ARL14: variants seen among roughly 807,000 people sequenced by gnomAD.
ARL14 encodes ADP-ribosylation factor-like protein 14.
A neutral mutation model predicts 1.1 loss-of-function variants in ARL14; 3 were observed. The ratio of observed to expected loss-of-function variants is 2.82; its 90% CI spans 1.28 to 7.28. ARL14 has a LOEUF of 7.28. Among genes scored for constraint, ARL14 ranks in the 30% most tolerant of loss-of-function variants. The pLI is 0.01. For missense variants in ARL14, 264 were observed against 223.8 expected, an observed-to-expected ratio of 1.18 and a Z score of -1.15; for synonymous variants, 99 against 84.6, an observed-to-expected ratio of 1.17 and a Z score of -0.93.
rs115464520 is a variant in ARL14, at chr3:160,677,217, T to A, written c.-130T>A. On this transcript the variant is annotated 5_prime_UTR_variant, in exon 1 of 1. Coordinates refer to ENST00000320767, the MANE Select transcript of ARL14 (RefSeq NM_025047.3). ...TGTTCTTAGAATACAGCATGAAGAA[T>A]TTGCTTTCTTCTTTCTTCCTAACAT... 639 of 846,274 alleles carry A rather than the reference T, an allele frequency of 7.6e-4. 4 individuals carry two copies. In the African/African-American group the frequency reaches 9.9e-3, roughly 13 times the overall value. 52.4% of individuals were successfully genotyped at this position (846,274 alleles called of 1,614,324 possible). A position where few individuals can be genotyped will look rare whatever the true frequency, so the allele number is the denominator to read the frequency against.
Position 160,678,209 on chromosome 3 carries a change from G to A in ARL14, c.*284G>A, listed in dbSNP as rs1713298714. ...ACTTTGAATATAGTAGTGACACTTG[G>A]GACCAAATAAATTATTTTATATGAC... On this transcript the variant is annotated 3_prime_UTR_variant, in exon 1 of 1. Transcript: ENST00000320767. 3.5e-6 allele frequency: 1 copy of A among 286,756 alleles called. No individual in the cohort carries two copies. The highest frequency in any genetic ancestry group is 7.1e-6 in the Non-Finnish European group (1 of 141,826). The allele number at this position is 286,756 out of a possible 1,614,324, so 17.8% of individuals were successfully genotyped here.
At position 160,678,097 on chromosome 3, in the gene ARL14, T is replaced by A. The variant is rs1713295388; in HGVS notation, c.*172T>A. On this transcript the variant is annotated 3_prime_UTR_variant, in exon 1 of 1. Coordinates refer to ENST00000320767, the MANE Select transcript of ARL14 (RefSeq NM_025047.3). The stretch of plus-strand genomic sequence containing the variant: ...AATGATATCTAGAAAATATTTATTT[T>A]CAGCCAGGAACTTTAGCAAACTGTG... 1 of 641,588 alleles carries A rather than the reference T, an allele frequency of 1.6e-6. No individual in the cohort carries two copies. The highest frequency in any genetic ancestry group is 3.1e-5 in the Admixed American group (1 of 31,898). 39.7% of individuals were successfully genotyped at this position (641,588 alleles called of 1,614,324 possible).
Position 160,677,805 on chromosome 3 carries a change from G to A in ARL14, c.459G>A (p.Val153=). 1.2e-6 allele frequency: 2 copies of A among 1,614,116 alleles called. No individual in the cohort carries two copies. The highest frequency in any genetic ancestry group is 1.7e-6 in the Non-Finnish European group (2 of 1,180,016). The change falls in exon 1 of 1, where the codon GTG becomes GTA. Residue 153 remains valine, a synonymous_variant. Transcript: ENST00000320767. ...KKLCSDRNWY[V]QPCCALTGEG... The stretch of plus-strand genomic sequence containing the variant: ...TTTGCAGTGACCGGAACTGGTATGT[G>A]CAACCCTGCTGTGCCCTCACAGGGG...
Position 160,677,900 on chromosome 3 carries a change from C to G in ARL14, c.554C>G (p.Thr185Ser). ...VKSHMKSRGDTLAFFKQN is the reference protein window; with the variant it reads ...VKSHMKSRGDSLAFFKQN ...AGCCACATGAAATCAAGAGGAGACA[C>G]TTTGGCGTTCTTCAAGCAGAACTGA... Residue 185 changes from threonine (T) to serine (S), a missense_variant, in exon 1 of 1, where the codon ACT becomes AGT. Transcript: ENST00000320767. 1 of 1,612,174 alleles carries G rather than the reference C, an allele frequency of 6.2e-7. No individual in the cohort carries two copies. Among genetic ancestry groups the G allele is most frequent in the Non-Finnish European group, 8.5e-7 (1 of 1,178,806 alleles).
At position 160,677,793 on chromosome 3, in the gene ARL14, G is replaced by T. The variant is rs1314726746; in HGVS notation, c.447G>T (p.Arg149=). Residue 149 remains arginine (R), a synonymous_variant, in exon 1 of 1, where the codon CGG becomes CGT. Coordinates refer to ENST00000320767, the MANE Select transcript of ARL14 (RefSeq NM_025047.3). ...MFKVKKLCSD[R]NWYVQPCCAL... is the part of the protein sequence containing the mutation. Reference sequence around the variant, plus strand: ...AAGTGAAGAAGCTTTGCAGTGACCGGAACTGGTATGTGCAACCCTGCTGTG... The same window carrying T: ...AAGTGAAGAAGCTTTGCAGTGACCGTAACTGGTATGTGCAACCCTGCTGTG... The T allele has an allele frequency of 6.2e-7, 1 of 1,614,100 alleles. No homozygotes were observed. The highest frequency in any genetic ancestry group is 1.1e-5 in the South Asian group (1 of 91,072).
chr3:160,677,301 GAAA>G lies in ARL14; in HGVS notation c.-36_-34del. ...CTGGCCATTCGAAGAAAGAAAGAAA[GAAA>G]AAAAAAAAAGGTATTTAGAGACAGA... On this transcript the variant is annotated 5_prime_UTR_variant, in exon 1 of 1. Transcript: ENST00000320767. 1.7e-6 allele frequency: 2 copies of G among 1,183,550 alleles called. No homozygotes were observed. Among genetic ancestry groups the G allele is most frequent in the Non-Finnish European group, 2.3e-6 (2 of 871,142 alleles). The allele number at this position is 1,183,550 out of a possible 1,614,324, so 73.3% of individuals were successfully genotyped here.
Position 160,677,913 on chromosome 3 carries a change from C to G in ARL14, c.567C>G (p.Phe189Leu). The G allele has an allele frequency of 6.2e-7, 1 of 1,610,228 alleles. No homozygotes were observed. ...MKSRGDTLAF[F>L]KQN is the part of the protein sequence containing the mutation. The stretch of plus-strand genomic sequence containing the variant: ...CAAGAGGAGACACTTTGGCGTTCTT[C>G]AAGCAGAACTGAGGCTGCGAAAAAT... Residue 189 changes from phenylalanine to leucine, a missense_variant, in exon 1 of 1, where the codon TTC becomes TTG. Transcript: ENST00000320767.
chr3:160,677,425 T>C lies in ARL14; in HGVS notation c.79T>C (p.Ser27Pro), dbSNP rs762057724. The part of the protein sequence containing the change: ...LLLGLDSAGK[S>P]TLLYKLKLAK... ...TTTGGGACTTGACTCAGCTGGGAAG[T>C]CTACTCTCCTTTATAAATTAAAGCT... Residue 27 changes from serine to proline, a missense_variant, in exon 1 of 1, where the codon TCT becomes CCT. Ser to Pro is a moderately conservative substitution (Grantham distance 74). Coordinates refer to ENST00000320767, the MANE Select transcript of ARL14 (RefSeq NM_025047.3). 6.2e-7 allele frequency: 1 copy of C among 1,613,654 alleles called. No individual in the cohort carries two copies. Among genetic ancestry groups the C allele is most frequent in the Admixed American group, 1.7e-5 (1 of 59,980 alleles).
rs748739938 is a variant in ARL14 at position 160,677,465 on chromosome 3, C to A, written c.119C>A (p.Thr40Asn). The change falls in exon 1 of 1, where the codon ACC (threonine) becomes AAC (asparagine). Residue 40 changes from threonine to asparagine, a missense_variant. By Grantham distance (65) the Thr-to-Asn change is moderately conservative. Transcript: ENST00000320767. The stretch of plus-strand genomic sequence containing the variant: ...AAATTAAAGCTTGCTAAGGATATTA[C>A]CACCATCCCTACAATAGGTTTCAAT... ...LYKLKLAKDI[T>N]TIPTIGFNVE... The A allele has an allele frequency of 1.2e-6, 2 of 1,614,094 alleles. No homozygotes were observed. Among genetic ancestry groups the A allele is most frequent in the African/African-American group, 1.3e-5 (1 of 75,020 alleles).
In ARL14 at chr3:160,677,879, A is replaced by C. The variant is rs1263330168; in HGVS notation, c.533A>C (p.His178Pro). 1 of 1,613,788 alleles carries C rather than the reference A, an allele frequency of 6.2e-7. No homozygotes were observed. The highest frequency in any genetic ancestry group is 1.3e-5 in the African/African-American group (1 of 74,898). ...AAATTAACTGGATTTGTGAAGAGCC[A>C]CATGAAATCAAGAGGAGACACTTTG... ...FRKLTGFVKS[H>P]MKSRGDTLAF... The change falls in exon 1 of 1, where the codon CAC becomes CCC. Residue 178 changes from histidine to proline, a missense_variant. His to Pro is a moderately conservative substitution (Grantham distance 77). Transcript: ENST00000320767.
chr3:160,677,701 G>C lies in ARL14; in HGVS notation c.355G>C (p.Val119Leu). ...KNEHIKNVPV[V>L]LLANKQDMPG... ...TGAACACATTAAAAATGTGCCTGTT[G>C]TTCTATTAGCCAACAAACAAGACAT... The change falls in exon 1 of 1, where the codon GTT becomes CTT. Residue 119 changes from valine to leucine, a missense_variant. Coordinates refer to ENST00000320767, the MANE Select transcript of ARL14 (RefSeq NM_025047.3). The C allele has an allele frequency of 1.9e-6, 3 of 1,614,102 alleles. No homozygotes were observed. Among genetic ancestry groups the C allele is most frequent in the Non-Finnish European group, 2.5e-6 (3 of 1,180,026 alleles).
rs759792947 is a variant in ARL14, at chr3:160,677,741, C to A, written c.395C>A (p.Thr132Asn). The change falls in exon 1 of 1, where the codon ACT (threonine) becomes AAT (asparagine). Residue 132 changes from threonine to asparagine, a missense_variant. By Grantham distance (65) the Thr-to-Asn change is moderately conservative. Transcript: ENST00000320767. ...AAACAAGACATGCCTGGAGCTCTGA[C>A]TGCTGAGGACATCACCAGAATGTTC... ...ANKQDMPGAL[T>N]AEDITRMFKV... The A allele has an allele frequency of 6.2e-7, 1 of 1,614,136 alleles. No homozygotes were observed. Among genetic ancestry groups the A allele is most frequent in the African/African-American group, 1.3e-5 (1 of 75,018 alleles).
In ARL14 at chr3:160,677,845, G is replaced by T; in HGVS notation, c.499G>T (p.Gly167Trp). ...CCTCACAGGGGAGGGGCTGGCCCAG[G>T]GGTTCAGGAAATTAACTGGATTTGT... ...CALTGEGLAQ[G>W]FRKLTGFVKS... The change falls in exon 1 of 1, where the codon GGG becomes TGG. Residue 167 changes from glycine (G) to tryptophan (W), a missense_variant. By Grantham distance (184) the Gly-to-Trp change is radical. Transcript: ENST00000320767. 3 of 1,614,042 alleles carry T rather than the reference G, an allele frequency of 1.9e-6. No homozygotes were observed. Among genetic ancestry groups the T allele is most frequent in the Non-Finnish European group, 2.5e-6 (3 of 1,180,010 alleles).
chr3:160,678,006 C>A lies in ARL14; in HGVS notation c.*81C>A, dbSNP rs1020422015. 1 of 1,280,424 alleles carries A rather than the reference C, an allele frequency of 7.8e-7. No homozygotes were observed. The highest frequency in any genetic ancestry group is 1.1e-6 in the Non-Finnish European group (1 of 934,676). 79.3% of individuals were successfully genotyped at this position (1,280,424 alleles called of 1,614,324 possible). A position where few individuals can be genotyped will look rare whatever the true frequency, so the allele number is the denominator to read the frequency against. On this transcript the variant is annotated 3_prime_UTR_variant, in exon 1 of 1. Coordinates refer to ENST00000320767, the MANE Select transcript of ARL14 (RefSeq NM_025047.3). ...GTTTTTCCATGCCAAATGAGGAAAT[C>A]AAATTAATGAGTTGACAAACTTTTC...
chr3:160,678,026 C>A lies in ARL14; in HGVS notation c.*101C>A. On this transcript the variant is annotated 3_prime_UTR_variant, in exon 1 of 1. Coordinates refer to ENST00000320767, the MANE Select transcript of ARL14 (RefSeq NM_025047.3). The stretch of plus-strand genomic sequence containing the variant: ...GAAATCAAATTAATGAGTTGACAAA[C>A]TTTTCCTGAGATGTTATTTCATCTA... The A allele has an allele frequency of 9.6e-7, 1 of 1,036,534 alleles. No individual in the cohort carries two copies. The highest frequency in any genetic ancestry group is 1.4e-6 in the Non-Finnish European group (1 of 720,156). The allele number at this position is 1,036,534 out of a possible 1,614,324, so 64.2% of individuals were successfully genotyped here.
rs145894570 is a variant in ARL14 at position 160,677,292 on chromosome 3, A to C, written c.-55A>C. On this transcript the variant is annotated 5_prime_UTR_variant, in exon 1 of 1. Transcript: ENST00000320767. ...ACATTGTCTCTGGCCATTCGAAGAA[A>C]GAAAGAAAGAAAAAAAAAAAAGGTA... The C allele has an allele frequency of 1.1e-5, 16 of 1,464,312 alleles. No individual in the cohort carries two copies. The African/African-American group carries it at 2.3e-4, about 21-fold the overall frequency. The allele number at this position is 1,464,312 out of a possible 1,614,324, so 90.7% of individuals were successfully genotyped here. A position where few individuals can be genotyped will look rare whatever the true frequency, so the allele number is the denominator to read the frequency against.
In ARL14 at chr3:160,677,606, A is replaced by G. The variant is rs1186401848; in HGVS notation, c.260A>G (p.Tyr87Cys). 1.2e-5 allele frequency: 20 copies of G among 1,613,862 alleles called. No homozygotes were observed. The highest frequency in any genetic ancestry group is 1.6e-5 in the Non-Finnish European group (19 of 1,179,970). Reference sequence around the variant, plus strand: ...TGTGAGAACACCGATGGGCTGGTGTATGTTGTGGACAGTACAGACAAACAG... The same window carrying G: ...TGTGAGAACACCGATGGGCTGGTGTGTGTTGTGGACAGTACAGACAAACAG... Reference protein sequence around the residue: ...CYCENTDGLVYVVDSTDKQRL... With the variant: ...CYCENTDGLVCVVDSTDKQRL... The change falls in exon 1 of 1, where the codon TAT becomes TGT. Residue 87 changes from tyrosine (Y) to cysteine (C), a missense_variant. Tyr to Cys is a radical substitution (Grantham distance 194, BLOSUM62 -2). Transcript: ENST00000320767.
In ARL14 at chr3:160,677,917, C is replaced by G. The variant is rs771563756; in HGVS notation, c.571C>G (p.Gln191Glu). ...AGGAGACACTTTGGCGTTCTTCAAGCAGAACTGAGGCTGCGAAAAATCCAA... is the reference window on the plus strand; with the variant it reads ...AGGAGACACTTTGGCGTTCTTCAAGGAGAACTGAGGCTGCGAAAAATCCAA... ...SRGDTLAFFK[Q>E]N The change falls in exon 1 of 1, where the codon CAG becomes GAG. Residue 191 changes from glutamine to glutamate, a missense_variant. Coordinates refer to ENST00000320767, the MANE Select transcript of ARL14 (RefSeq NM_025047.3). 32 of 1,609,354 alleles carry G rather than the reference C, an allele frequency of 2.0e-5. No homozygotes were observed. The highest frequency in any genetic ancestry group is 2.3e-5 in the Non-Finnish European group (27 of 1,177,166).
Position 160,677,291 on chromosome 3 carries a change from A to C in ARL14, c.-56A>C. ...CACATTGTCTCTGGCCATTCGAAGA[A>C]AGAAAGAAAGAAAAAAAAAAAAGGT... On this transcript the variant is annotated 5_prime_UTR_variant, in exon 1 of 1. Transcript: ENST00000320767. 1 of 1,462,794 alleles carries C rather than the reference A, an allele frequency of 6.8e-7. No individual in the cohort carries two copies. Among genetic ancestry groups the C allele is most frequent in the South Asian group, 1.5e-5 (1 of 68,670 alleles). 90.6% of individuals were successfully genotyped at this position (1,462,794 alleles called of 1,614,324 possible). A position where few individuals can be genotyped will look rare whatever the true frequency, so the allele number is the denominator to read the frequency against.
Sources: gnomAD v4.1 joint callset for allele counts on GRCh38, gnomAD v4.1.1 for gene constraint, MANE v1.5 for transcripts, NCBI Gene and HGNC (gene_info 2026-07-23, HGNC 2026-07-21) for gene names.